The following SLC35F2 variants were observed in gnomAD, a reference collection of about 807,000 sequenced individuals.
SLC35F2 encodes solute carrier family 35 member F2.
SLC35F2 carries 25 observed loss-of-function variants against 38.1 expected under a neutral mutation model. That is an observed-to-expected ratio of 0.66 (90% CI 0.48 to 0.92). The LOEUF is 0.92. Among genes scored for constraint, SLC35F2 ranks in the 40% least tolerant of loss-of-function variants. The pLI is 0.00. For missense variants in SLC35F2, 409 were observed against 452.9 expected (o/e 0.90, Z 0.88); for synonymous variants, 173 against 181.7 (o/e 0.95, Z 0.38).
At chr11:107,822,054 A>C (rs145202121) in intron 1 of SLC35F2, among the ~76,000 whole-genome samples, 6,879 of 152,334 alleles carry the variant, frequency 0.045, 274 homozygotes, top group African/African-American at 0.1. Context: ...CCTGGCCAAC[A>C]TGGTGAAACC....
At chr11:107,857,310 G>GGAGAGAGGGAAGGAAGGAAGGAAGGA (rs1860309820) in intron 1 of SLC35F2, among the ~76,000 whole-genome samples, 2 of 147,220 alleles carry the variant, frequency 1.4e-5, no homozygotes, top group Non-Finnish European at 3.0e-5. Context: ...AACGAAGGAA[G>GGAGAGAGGGAAGGAAGGAAGGAAGGA]GAGAGAGGGA....
intron 1 of SLC35F2, among the ~76,000 whole-genome samples, chr11:107,845,525 A>G (rs1164456603): frequency 6.6e-6 from 1 of 151,990 alleles, no homozygotes; most frequent in Non-Finnish European, 1.5e-5. Flanking sequence ...CATCTCCAAA[A>G]AACAAGAAAG....
At chr11:107,853,391 A>G (rs1860219469) in intron 1 of SLC35F2, among the ~76,000 whole-genome samples, 1 of 152,180 alleles carries the variant, frequency 6.6e-6, no homozygotes, top group African/African-American at 2.4e-5. Context: ...TCTGAAGCCT[A>G]GAACATTACA....
At chr11:107,802,164 G>A (rs1310930022) in intron 7 of SLC35F2, among the ~76,000 whole-genome samples, 1 of 150,264 alleles carries the variant, frequency 6.7e-6, no homozygotes, top group Non-Finnish European at 1.5e-5. Flanking sequence ...CTTAAACCTG[G>A]GAAGCAGAGG....
intron 1 of SLC35F2, among the ~76,000 whole-genome samples, chr11:107,852,115 A>G (rs1565443272): frequency 1.3e-5 from 2 of 152,136 alleles, no homozygotes; most frequent in Non-Finnish European, 2.9e-5. Context: ...TTGCTAGACA[A>G]TAACAAGGAG....
intron 1 of SLC35F2, among the ~76,000 whole-genome samples, chr11:107,826,967 T>C (rs965193940): frequency 6.6e-6 from 1 of 152,148 alleles, no homozygotes; most frequent in Non-Finnish European, 1.5e-5. Flanking sequence ...TAACCTCTTC[T>C]GGTTTTCAGT....
At chr11:107,810,870 A>T in intron 3 of SLC35F2, 1 of 981,968 alleles carries the variant, frequency 1.0e-6, no homozygotes, top group Middle Eastern at 5.2e-4. Flanking sequence ...AAGTAAGAAC[A>T]TCTCTGTATT....
Position 107,791,924 on chromosome 11 carries a change from C to A in SLC35F2, c.*691G>T. ...GCTACTAACACTTGAATCCAGGAGG[C>A]AGAGGTTACAGTAAGCTGAGCTTGC... On this transcript the variant is annotated 3_prime_UTR_variant, in exon 8 of 8. Transcript: ENST00000525815. 6.6e-6 allele frequency: 1 copy of A among 152,188 alleles called. No homozygotes were observed. The highest frequency in any genetic ancestry group is 1.5e-5 in the Non-Finnish European group (1 of 68,034). 9.4% of individuals were successfully genotyped at this position (152,188 alleles called of 1,614,324 possible). A position where few individuals can be genotyped will look rare whatever the true frequency, so the allele number is the denominator to read the frequency against.
chr11:107,838,489 T>C (rs1349425380), intron 1 of SLC35F2, among the ~76,000 whole-genome samples: 1 of 151,392 alleles, frequency 6.6e-6, no homozygotes, highest in African/African-American at 2.4e-5. Context: ...CACGCCCAGC[T>C]AATTTTTGTA....
chr11:107,819,015 AT>A (rs1404229188), intron 1 of SLC35F2, among the ~76,000 whole-genome samples: 1 of 152,170 alleles, frequency 6.6e-6, no homozygotes, highest in Non-Finnish European at 1.5e-5. Flanking sequence ...ATATGCTGAG[AT>A]TTAATCTCCT....
At chr11:107,827,179 T>C (rs1237524501) in intron 1 of SLC35F2, among the ~76,000 whole-genome samples, 1 of 152,196 alleles carries the variant, frequency 6.6e-6, no homozygotes, top group Non-Finnish European at 1.5e-5. Context: ...GAGTACTTCG[T>C]AGTATGTCAT....
At chr11:107,802,254 T>TAATAA in intron 7 of SLC35F2, among the ~76,000 whole-genome samples, 1 of 146,894 alleles carries the variant, frequency 6.8e-6, no homozygotes, top group African/African-American at 2.5e-5. Context: ...AATAAATAAA[T>TAATAA]AATAAAATAA....
intron 1 of SLC35F2, among the ~76,000 whole-genome samples, chr11:107,829,850 C>A (rs1859808913): frequency 6.6e-6 from 1 of 152,082 alleles, no homozygotes; most frequent in Non-Finnish European, 1.5e-5. Flanking sequence ...AGGCAACAAA[C>A]TATAGTGGTG....
intron 1 of SLC35F2, among the ~76,000 whole-genome samples, chr11:107,825,379 CTTTT>C (rs572239452): frequency 1.2e-5 from 1 of 84,666 alleles, no homozygotes; most frequent in Non-Finnish European, 2.5e-5. Flanking sequence ...TTTTTTTTTT[CTTTT>C]TTTTTTGAGA....
At position 107,803,034 on chromosome 11, in the gene SLC35F2, G is replaced by A. The variant is rs758135363; in HGVS notation, c.906C>T (p.Ser302=). The A allele has an allele frequency of 1.9e-6, 3 of 1,613,556 alleles. No individual in the cohort carries two copies. Among genetic ancestry groups the A allele is most frequent in the Non-Finnish European group, 2.5e-6 (3 of 1,179,862 alleles). The part of the protein sequence containing the change: ...NLGILTADLY[S]LFVGLFLFGY... The stretch of plus-strand genomic sequence containing the variant: ...CAAACAGAAAGAGTCCAACAAAAAG[G>A]CTGTAGAGGTCCGCTGTCAGGATGC... Residue 302 remains serine (S), a synonymous_variant, in exon 7 of 8, where the codon AGC becomes AGT. Coordinates refer to ENST00000525815, the MANE Select transcript of SLC35F2 (RefSeq NM_017515.5).
At chr11:107,807,794 C>T (rs1306882700) in intron 3 of SLC35F2, among the ~76,000 whole-genome samples, 1 of 152,108 alleles carries the variant, frequency 6.6e-6, no homozygotes, top group Non-Finnish European at 1.5e-5. Flanking sequence ...AGGCTGGTCT[C>T]GAACTCCTGA....
At chr11:107,805,876 C>A (rs996612681) in intron 4 of SLC35F2, among the ~76,000 whole-genome samples, 1 of 152,172 alleles carries the variant, frequency 6.6e-6, no homozygotes, top group Non-Finnish European at 1.5e-5. Context: ...GAACTCCTGA[C>A]CTCAAGTGAT....
intron 1 of SLC35F2, among the ~76,000 whole-genome samples, chr11:107,844,845 G>A (rs1220660974): frequency 4.7e-4 from 70 of 149,172 alleles, no homozygotes; most frequent in Non-Finnish European, 9.4e-4. Flanking sequence ...GCGTGGTGGC[G>A]GGCACCTGTA....
intron 1 of SLC35F2, among the ~76,000 whole-genome samples, chr11:107,829,677 C>CAAAAAAAA (rs59625402): frequency 1.1e-5 from 1 of 87,304 alleles, no homozygotes; most frequent in Non-Finnish European, 2.6e-5. Context: ...TGAAATCTCA[C>CAAAAAAAA]AAAAAAAAAA....
Sources: gnomAD v4.1 joint callset for allele counts (sites outside exome capture counted in the v4.1 genomes callset) on GRCh38, gnomAD v4.1.1 for gene constraint, MANE v1.5 for transcripts, NCBI Gene and HGNC (gene_info 2026-07-23, HGNC 2026-07-21) for gene names.